FSTL5: variants seen among roughly 807,000 people sequenced by gnomAD.
FSTL5 encodes follistatin like 5, also known as follistatin-related protein 5.
Under a neutral mutation model 89.1 loss-of-function variants are expected in FSTL5, and 62 were observed. The ratio of observed to expected loss-of-function variants is 0.70; its 90% CI spans 0.57 to 0.86. The LOEUF (loss-of-function observed/expected upper bound fraction) is 0.86, where lower values mean the gene tolerates loss of function less well. Among genes scored for constraint, FSTL5 ranks in the 40% least tolerant of loss-of-function variants. FSTL5 has a pLI of 0.00. For missense variants in FSTL5, 1,057 were observed against 1,001.6 expected, an observed-to-expected ratio of 1.06 and a Z score of -0.75; for synonymous variants, 383 against 346.2, an observed-to-expected ratio of 1.11 and a Z score of -1.18.
chr4:162,029,519 C>T (rs191941204), intron 3 of FSTL5, among the ~76,000 whole-genome samples: 39 of 152,074 alleles, frequency 2.6e-4, no homozygotes, highest in African/African-American at 9.4e-4. Context: ...ATATGTTGTG[C>T]TAATATTTAC....
chr4:161,836,615 G>T (rs924451329), intron 4 of FSTL5, among the ~76,000 whole-genome samples: 1 of 151,940 alleles, frequency 6.6e-6, no homozygotes. Flanking sequence ...AGTTTGGAGT[G>T]TATTAGGGAA....
At chr4:161,485,013 T>C (rs1234575551) in intron 12 of FSTL5, among the ~76,000 whole-genome samples, 1 of 152,184 alleles carries the variant, frequency 6.6e-6, no homozygotes, top group African/African-American at 2.4e-5. Context: ...AGGAGTACAA[T>C]TTCATGACAA....
In FSTL5 at chr4:161,812,219, A is replaced by C. The variant is rs191093530; in HGVS notation, c.410-36145T>G. Among the ~76,000 whole-genome samples the C allele has an allele frequency of 3.3e-4, 50 of 152,364 alleles. No individual in the cohort carries two copies. The East Asian group carries it at 9.1e-3, about 28-fold the overall frequency. The stretch of plus-strand genomic sequence containing the variant: ...CATTTAAAAAATAGTTTCTGGGACA[A>C]ATGTATTTAGAAATACTGAAGCAAA... On this transcript the variant is annotated intron_variant, in intron 4 of 15. Transcript: ENST00000306100.
intron 4 of FSTL5, among the ~76,000 whole-genome samples, chr4:161,910,139 G>C (rs1218205219): frequency 6.6e-6 from 1 of 152,012 alleles, no homozygotes; most frequent in African/African-American, 2.4e-5. Flanking sequence ...CCAATCTTCT[G>C]TCCTCCTTAC....
intron 3 of FSTL5, among the ~76,000 whole-genome samples, chr4:161,946,503 A>G (rs1734737931): frequency 6.6e-6 from 1 of 152,210 alleles, no homozygotes; most frequent in East Asian, 1.9e-4. Flanking sequence ...ATTGAAATCA[A>G]TCACACAATA....
chr4:162,086,850 A>G (rs1449749040), intron 2 of FSTL5, among the ~76,000 whole-genome samples: 1 of 152,114 alleles, frequency 6.6e-6, no homozygotes, highest in Non-Finnish European at 1.5e-5. Flanking sequence ...TCAATAGTTA[A>G]GGAAAATGAA....
chr4:161,649,230 C>T (rs1489257065), intron 7 of FSTL5, among the ~76,000 whole-genome samples: 2 of 152,004 alleles, frequency 1.3e-5, no homozygotes, highest in Non-Finnish European at 2.9e-5. Context: ...ACATGTGGAC[C>T]CAGCATTTCA....
At chr4:161,512,935 A>G (rs1730695976) in intron 10 of FSTL5, among the ~76,000 whole-genome samples, 1 of 152,120 alleles carries the variant, frequency 6.6e-6, no homozygotes, top group Admixed American at 6.6e-5. Flanking sequence ...TTGTTTTACT[A>G]CACAAACAGA....
At chr4:161,560,032 A>T (rs1048812217) in intron 8 of FSTL5, among the ~76,000 whole-genome samples, 3 of 143,906 alleles carry the variant, frequency 2.1e-5, no homozygotes, top group Non-Finnish European at 4.6e-5. Flanking sequence ...TTAAAACATT[A>T]TGAGTTTTCT....
intron 4 of FSTL5, among the ~76,000 whole-genome samples, chr4:161,904,749 TATTTA>T (rs1202426643): frequency 1.3e-5 from 2 of 151,916 alleles, no homozygotes; most frequent in South Asian, 2.1e-4. Context: ...TGTGCCTTCT[TATTTA>T]ATTTGTTATT....
chr4:162,135,332 A>G (rs1021137048), intron 1 of FSTL5, among the ~76,000 whole-genome samples: 6 of 151,984 alleles, frequency 3.9e-5, no homozygotes, highest in African/African-American at 1.2e-4. Flanking sequence ...ATAATAAATT[A>G]TATGTTTTTT....
chr4:161,475,906 C>T (rs150933155), intron 13 of FSTL5, among the ~76,000 whole-genome samples: 7,506 of 152,000 alleles, frequency 0.049, 562 homozygotes, highest in African/African-American at 0.17. Context: ...CCCACCACCA[C>T]GCCCAGCTAA....
intron 6 of FSTL5, chr4:161,664,823 C>T: frequency 6.2e-6 from 1 of 161,416 alleles, no homozygotes; most frequent in South Asian, 1.8e-4. Context: ...TACAATTCCA[C>T]ATGTCTGGGG....
chr4:161,500,553 G>A (rs1055735816), intron 11 of FSTL5, among the ~76,000 whole-genome samples: 1 of 151,776 alleles, frequency 6.6e-6, no homozygotes, highest in African/African-American at 2.4e-5. Context: ...TTTCTTTGCA[G>A]GAGTTTGGTT....
intron 4 of FSTL5, among the ~76,000 whole-genome samples, chr4:161,847,919 A>G (rs1033586687): frequency 4.0e-5 from 6 of 150,930 alleles, no homozygotes; most frequent in African/African-American, 1.5e-4. Context: ...GCCTGTAATC[A>G]CAGCTACTCG....
intron 4 of FSTL5, among the ~76,000 whole-genome samples, chr4:161,874,178 TTAATC>T (rs1046121183): frequency 2.0e-5 from 3 of 152,116 alleles, no homozygotes; most frequent in Non-Finnish European, 4.4e-5. Context: ...TAATTTATCA[TTAATC>T]TATATCGTCT....
Position 162,153,988 on chromosome 4 carries a change from G to T in FSTL5, c.-17+9627C>A, listed in dbSNP as rs186279864. 2.8e-3 allele frequency among the ~76,000 whole-genome samples: 429 copies of T among 151,242 alleles called. 3 individuals are homozygous for T. Among genetic ancestry groups the T allele is most frequent in the African/African-American group, 9.9e-3 (409 of 41,222 alleles). On this transcript the variant is annotated intron_variant, in intron 1 of 15. Transcript: ENST00000306100. The stretch of plus-strand genomic sequence containing the variant: ...GCCCAGCTAATTTTTTGTATTTTTA[G>T]TAGAGATGGGGTTTCACTAGGTTGG...
At chr4:161,769,993 A>G (rs1741152185) in intron 5 of FSTL5, among the ~76,000 whole-genome samples, 1 of 152,190 alleles carries the variant, frequency 6.6e-6, no homozygotes, top group African/African-American at 2.4e-5. Context: ...TGGATAAAGA[A>G]AATGTGGCCT....
intron 4 of FSTL5, among the ~76,000 whole-genome samples, chr4:161,819,911 TG>T (rs993468524): frequency 1.3e-5 from 2 of 152,212 alleles, no homozygotes; most frequent in Admixed American, 6.5e-5. Context: ...TTTTGGGTTT[TG>T]CCACAACATA....
Sources: gnomAD v4.1 joint callset for allele counts (sites outside exome capture counted in the v4.1 genomes callset) on GRCh38, gnomAD v4.1.1 for gene constraint, MANE v1.5 for transcripts, NCBI Gene and HGNC (gene_info 2026-07-23, HGNC 2026-07-21) for gene names.